The following UNC5D variants were observed in gnomAD, a reference collection of about 807,000 sequenced individuals.
The protein encoded by UNC5D is unc-5 netrin receptor D.
UNC5D carries 39 observed loss-of-function variants against 105.4 expected under a neutral mutation model. That is an observed-to-expected ratio of 0.37 (90% confidence interval 0.29 to 0.48). The LOEUF (loss-of-function observed/expected upper bound fraction) is 0.48. UNC5D is among the 20% of genes least tolerant of loss of function. UNC5D has a pLI of 0.98. For missense variants in UNC5D, 991 were observed against 1,202.4 expected (o/e 0.82, Z 2.60); for synonymous variants, 452 against 450.4 (o/e 1.00, Z -0.04).
At chr8:35,490,000 T>TCA (rs1408300003) in intron 1 of UNC5D, among the ~76,000 whole-genome samples, 4 of 152,206 alleles carry the variant, frequency 2.6e-5, no homozygotes, top group Non-Finnish European at 5.9e-5. Context: ...AAGAGAGAGA[T>TCA]CACTATTCAT....
intron 4 of UNC5D, among the ~76,000 whole-genome samples, chr8:35,637,683 C>A (rs1822468136): frequency 6.6e-6 from 1 of 152,134 alleles, no homozygotes; most frequent in Admixed American, 6.6e-5. Flanking sequence ...GAGGATTCAG[C>A]CTGCTCTGTT....
In UNC5D at chr8:35,264,940, G is replaced by A. The variant is rs151167224; in HGVS notation, c.103+29053G>A. 7.9e-5 allele frequency among the ~76,000 whole-genome samples: 12 copies of A among 152,200 alleles called. No individual in the cohort carries two copies. In the East Asian group the frequency reaches 2.3e-3, roughly 29 times the overall value. ...AGTCTTCACTGATCTGCATAAAATGGGCAGATGGTTCATAAATATTCCTGC... is the reference window on the plus strand; with the variant it reads ...AGTCTTCACTGATCTGCATAAAATGAGCAGATGGTTCATAAATATTCCTGC... On this transcript the variant is annotated intron_variant, in intron 1 of 16. Transcript: ENST00000404895.
intron 1 of UNC5D, among the ~76,000 whole-genome samples, chr8:35,259,723 G>A (rs578118514): frequency 7.3e-5 from 11 of 151,168 alleles, no homozygotes; most frequent in African/African-American, 2.7e-4. Flanking sequence ...TAGCGAGAGA[G>A]AAGAGTGCAA....
At chr8:35,244,332 A>AT (rs1403610240) in intron 1 of UNC5D, among the ~76,000 whole-genome samples, 1 of 152,214 alleles carries the variant, frequency 6.6e-6, no homozygotes, top group Non-Finnish European at 1.5e-5. Flanking sequence ...TGGATTGATT[A>AT]TACTGAGGTG....
At chr8:35,297,850 ACCG>A (rs1360606081) in intron 1 of UNC5D, among the ~76,000 whole-genome samples, 1 of 151,958 alleles carries the variant, frequency 6.6e-6, no homozygotes, top group African/African-American at 2.4e-5. Flanking sequence ...AAATACTAAA[ACCG>A]CAAACTCACT....
intron 4 of UNC5D, among the ~76,000 whole-genome samples, chr8:35,667,799 G>T (rs1473556930): frequency 1.3e-5 from 2 of 152,100 alleles, no homozygotes; most frequent in Non-Finnish European, 2.9e-5. Context: ...CATATTTTTT[G>T]ATGGTTGCAT....
intron 1 of UNC5D, among the ~76,000 whole-genome samples, chr8:35,474,897 C>T (rs1419941774): frequency 6.6e-6 from 1 of 152,186 alleles, no homozygotes; most frequent in Non-Finnish European, 1.5e-5. Context: ...GTGAATCATG[C>T]ACATCCCCTT....
chr8:35,536,950 C>T (rs919410585), intron 1 of UNC5D, among the ~76,000 whole-genome samples: 18 of 152,084 alleles, frequency 1.2e-4, no homozygotes, highest in African/African-American at 4.3e-4. Context: ...GAGCTGAGAT[C>T]GTGCCACTGC....
chr8:35,491,797 C>T (rs747923122), intron 1 of UNC5D, among the ~76,000 whole-genome samples: 119 of 152,068 alleles, frequency 7.8e-4, no homozygotes, highest in Non-Finnish European at 9.6e-4. Flanking sequence ...ACTGCATTTT[C>T]TTATTTATTC....
At chr8:35,245,999 C>G (rs747214294) in intron 1 of UNC5D, among the ~76,000 whole-genome samples, 19 of 152,268 alleles carry the variant, frequency 1.2e-4, no homozygotes, top group Middle Eastern at 3.4e-3. Flanking sequence ...CATCTAACCC[C>G]CTATGCTCGG....
At chr8:35,408,295 TG>T (rs1459447663) in intron 1 of UNC5D, among the ~76,000 whole-genome samples, 1 of 152,030 alleles carries the variant, frequency 6.6e-6, no homozygotes, top group Non-Finnish European at 1.5e-5. Flanking sequence ...ATTATGCTCC[TG>T]AAAGTTCTTT....
At chr8:35,300,388 A>G (rs1007510944) in intron 1 of UNC5D, among the ~76,000 whole-genome samples, 2 of 131,926 alleles carry the variant, frequency 1.5e-5, no homozygotes, top group Non-Finnish European at 3.1e-5. Context: ...TGGAGGTTGC[A>G]GTGAGCTGAG....
intron 4 of UNC5D, among the ~76,000 whole-genome samples, chr8:35,658,644 C>CTT (rs34252660): frequency 1.7e-4 from 14 of 84,350 alleles, no homozygotes; most frequent in South Asian, 4.6e-4. Context: ...TCATGAGTGA[C>CTT]TTTTTTTTTT....
intron 1 of UNC5D, among the ~76,000 whole-genome samples, chr8:35,544,035 T>G (rs1391500800): frequency 1.3e-5 from 2 of 152,190 alleles, no homozygotes; most frequent in Non-Finnish European, 2.9e-5. Context: ...ATTCAAGTTC[T>G]GAGCCCACCA....
chr8:35,532,948 C>T (rs1193134118), intron 1 of UNC5D, among the ~76,000 whole-genome samples: 7 of 130,742 alleles, frequency 5.4e-5, no homozygotes, highest in Middle Eastern at 3.6e-3. Context: ...ATACATTCTT[C>T]TAAATTTTTT....
chr8:35,744,510 G>A (rs6998947), intron 11 of UNC5D, among the ~76,000 whole-genome samples: 22,615 of 152,126 alleles, frequency 0.15, 3,985 homozygotes, highest in African/African-American at 0.42. Context: ...CTTGTGTGGA[G>A]GAGTTTTCCC....
intron 1 of UNC5D, among the ~76,000 whole-genome samples, chr8:35,540,967 C>T (rs1243119057): frequency 6.6e-6 from 1 of 152,112 alleles, no homozygotes; most frequent in Non-Finnish European, 1.5e-5. Flanking sequence ...ACCAAGACAG[C>T]TTTCTTTCTA....
chr8:35,636,211 G>A (rs1410095537), intron 4 of UNC5D, among the ~76,000 whole-genome samples: 1 of 152,180 alleles, frequency 6.6e-6, no homozygotes, highest in East Asian at 1.9e-4. Flanking sequence ...AGGAAAGAAA[G>A]CAAACGGGGT....
At chr8:35,358,831 A>G (rs1355568847) in intron 1 of UNC5D, among the ~76,000 whole-genome samples, 1 of 152,224 alleles carries the variant, frequency 6.6e-6, no homozygotes, top group Non-Finnish European at 1.5e-5. Flanking sequence ...TTATAAAATT[A>G]TAGAAACTAG....
Sources: allele counts gnomAD v4.1 joint callset (sites outside exome capture counted in the v4.1 genomes callset), GRCh38; gene constraint gnomAD v4.1.1; transcripts MANE v1.5; gene names NCBI Gene and HGNC (gene_info 2026-07-23, HGNC 2026-07-21).